The following SHROOM3 variants were observed in gnomAD, a reference collection of about 807,000 sequenced individuals.
The protein encoded by SHROOM3 is shroom family member 3.
A neutral mutation model predicts 138.6 loss-of-function variants in SHROOM3; 47 were observed. The observed-to-expected ratio is 0.34, with a 90% CI of 0.27 to 0.43. The LOEUF is 0.43. Among genes scored for constraint, SHROOM3 ranks in the 20% least tolerant of loss-of-function variants. The pLI, the probability that SHROOM3 is intolerant of heterozygous loss-of-function variation, is 1.00. For synonymous variants in SHROOM3, 1,062 were observed against 1,063.3 expected (o/e 1.00, Z 0.02); for missense variants, 2,491 against 2,596.5 (o/e 0.96, Z 0.88).
intron 2 of SHROOM3, among the ~76,000 whole-genome samples, chr4:76,627,812 A>C (rs914730083): frequency 6.6e-6 from 1 of 152,102 alleles, no homozygotes; most frequent in Non-Finnish European, 1.5e-5. Flanking sequence ...AGCTGGGACT[A>C]CGGGTGTGTG....
intron 9 of SHROOM3, among the ~76,000 whole-genome samples, chr4:76,761,058 C>T (rs955766583): frequency 4.6e-5 from 7 of 151,808 alleles, no homozygotes; most frequent in African/African-American, 2.4e-5. Flanking sequence ...ATTTTAGAAT[C>T]GGGGCATAGG....
chr4:76,632,177 G>A (rs1051227221), intron 2 of SHROOM3, among the ~76,000 whole-genome samples: 33 of 152,144 alleles, frequency 2.2e-4, no homozygotes, highest in Non-Finnish European at 4.0e-4. Context: ...ATCCGGGCAG[G>A]TAATTGTACA....
intron 3 of SHROOM3, among the ~76,000 whole-genome samples, chr4:76,710,513 C>G (rs1720200114): frequency 6.6e-6 from 1 of 152,118 alleles, no homozygotes; most frequent in African/African-American, 2.4e-5. Flanking sequence ...TGTAAAGTTC[C>G]TGGGAGGTCA....
At chr4:76,457,079 GTGTA>G (rs566075561) in intron 1 of SHROOM3, among the ~76,000 whole-genome samples, 126 of 152,306 alleles carry the variant, frequency 8.3e-4, no homozygotes, top group African/African-American at 2.9e-3. Flanking sequence ...GGCCATCTGG[GTGTA>G]TACGTGCAAA....
chr4:76,671,440 T>A (rs1457932649), intron 2 of SHROOM3, among the ~76,000 whole-genome samples: 1 of 152,240 alleles, frequency 6.6e-6, no homozygotes, highest in Non-Finnish European at 1.5e-5. Context: ...GGCCAGGCCT[T>A]TGTGCCCAGG....
intron 2 of SHROOM3, among the ~76,000 whole-genome samples, chr4:76,570,302 G>C (rs774306230): frequency 1.3e-5 from 2 of 152,068 alleles, no homozygotes; most frequent in African/African-American, 2.4e-5. Flanking sequence ...ATGTCACTCT[G>C]TTTACAGTTT....
intron 4 of SHROOM3, among the ~76,000 whole-genome samples, chr4:76,735,357 G>A (rs1721004827): frequency 6.6e-6 from 1 of 152,092 alleles, no homozygotes; most frequent in African/African-American, 2.4e-5. Flanking sequence ...TATTCCCCAG[G>A]CAGCTTGGGA....
chr4:76,689,162 G>C (rs1719422408), intron 2 of SHROOM3, among the ~76,000 whole-genome samples: 1 of 152,096 alleles, frequency 6.6e-6, no homozygotes, highest in African/African-American at 2.4e-5. Flanking sequence ...GGGACTGAGG[G>C]TGTGTGCTTC....
chr4:76,455,264 A>G (rs1731005334), intron 1 of SHROOM3, among the ~76,000 whole-genome samples: 2 of 152,132 alleles, frequency 1.3e-5, no homozygotes, highest in African/African-American at 4.8e-5. Context: ...GAGTCTGATA[A>G]TAGGTGTGGA....
chr4:76,499,216 G>T (rs529638136), intron 1 of SHROOM3, among the ~76,000 whole-genome samples: 1 of 152,324 alleles, frequency 6.6e-6, no homozygotes, highest in African/African-American at 2.4e-5. Context: ...AAGTCTGTGT[G>T]GGAATCATAG....
intron 5 of SHROOM3, among the ~76,000 whole-genome samples, chr4:76,746,839 C>T (rs1408598496): frequency 1.3e-5 from 2 of 149,114 alleles, no homozygotes; most frequent in African/African-American, 2.4e-5. Flanking sequence ...TATTTTGAGA[C>T]GGAGTCTCGC....
At chr4:76,492,490 G>A (rs1731874334) in intron 1 of SHROOM3, among the ~76,000 whole-genome samples, 1 of 152,084 alleles carries the variant, frequency 6.6e-6, no homozygotes, top group Non-Finnish European at 1.5e-5. Flanking sequence ...TCCTTTTTAA[G>A]TTTACAAAAT....
At chr4:76,524,788 C>T (rs927026760) in intron 1 of SHROOM3, among the ~76,000 whole-genome samples, 1 of 152,160 alleles carries the variant, frequency 6.6e-6, no homozygotes, top group Non-Finnish European at 1.5e-5. Flanking sequence ...GGACGTCCGT[C>T]ATGCCATTCC....
rs1334525328 is a variant in SHROOM3 at position 76,664,682 on chromosome 4, C to A, written c.324-45474C>A. Among the ~76,000 whole-genome samples, 1 of 152,150 alleles carries A rather than the reference C, an allele frequency of 6.6e-6. No individual in the cohort carries two copies. Among genetic ancestry groups the A allele is most frequent in the Non-Finnish European group, 1.5e-5 (1 of 68,034 alleles). On this transcript the variant is annotated intron_variant, in intron 2 of 10. Transcript: ENST00000296043. The surrounding 1 kb of genome is among the most constrained non-coding windows in gnomAD (Gnocchi z 4.2). ...CATACATTAAATTTGTCATCTTAAC[C>A]AGTTTTAAGTGTATAGGTCAATAAT...
intron 9 of SHROOM3, among the ~76,000 whole-genome samples, chr4:76,763,366 G>A (rs899699750): frequency 9.9e-5 from 15 of 151,436 alleles, no homozygotes; most frequent in African/African-American, 3.2e-4. Flanking sequence ...CAGACTGGGC[G>A]ACAGAGCGAG....
chr4:76,642,063 C>T (rs1303274237), intron 2 of SHROOM3, among the ~76,000 whole-genome samples: 1 of 152,158 alleles, frequency 6.6e-6, no homozygotes, highest in Non-Finnish European at 1.5e-5. Context: ...TTCATGCCCT[C>T]AATGTTGGCT....
chr4:76,481,436 T>C (rs1210194137), intron 1 of SHROOM3, among the ~76,000 whole-genome samples: 1 of 151,996 alleles, frequency 6.6e-6, no homozygotes, highest in African/African-American at 2.4e-5. Context: ...CAGGAAGAAG[T>C]TGAATCCCTT....
At chr4:76,639,643 G>C (rs1735605733) in intron 2 of SHROOM3, 1 of 398,508 alleles carries the variant, frequency 2.5e-6, no homozygotes, top group Non-Finnish European at 4.4e-6. Flanking sequence ...AACGAAACAT[G>C]TAAGTGAGGG....
intron 1 of SHROOM3, chr4:76,509,334 C>T (rs1732283651): frequency 6.6e-6 from 1 of 152,110 alleles, no homozygotes; most frequent in Admixed American, 6.5e-5. Flanking sequence ...GGCCTCTTGG[C>T]CTCTGGTGTA....
Sources: allele counts gnomAD v4.1 joint callset (sites outside exome capture counted in the v4.1 genomes callset), GRCh38; gene constraint gnomAD v4.1.1; non-coding constraint Gnocchi (gnomAD v3.1); transcripts MANE v1.5; gene names NCBI Gene and HGNC (gene_info 2026-07-23, HGNC 2026-07-21).